The following CLEC7A variants were observed in gnomAD, a reference collection of about 807,000 sequenced individuals.
The protein encoded by CLEC7A is C-type lectin domain family 7 member A.
Under a neutral mutation model 26.9 loss-of-function variants are expected in CLEC7A, and 25 were observed. The observed-to-expected ratio is 0.93, with a 90% CI of 0.68 to 1.30. The LOEUF (loss-of-function observed/expected upper bound fraction) is 1.30, where lower values mean the gene tolerates loss of function less well. Ranked by LOEUF, CLEC7A falls within the 50% of genes most tolerant of loss-of-function variation. The pLI, the probability that CLEC7A is intolerant of heterozygous loss-of-function variation, is 0.00. For missense variants in CLEC7A, 275 were observed against 286.7 expected, an observed-to-expected ratio of 0.96 and a Z score of 0.29; for synonymous variants, 100 against 99.5, an observed-to-expected ratio of 1.01 and a Z score of -0.03.
chr12:10,127,291 T>C, intron 2 of CLEC7A: 1 of 1,484,924 alleles, frequency 6.7e-7, no homozygotes, highest in Non-Finnish European at 9.1e-7. Flanking sequence ...TCGGAAATAA[T>C]TTCCTTAAAT....
chr12:10,122,340 C>T (rs983986762), intron 5 of CLEC7A, among the ~76,000 whole-genome samples: 3 of 152,144 alleles, frequency 2.0e-5, no homozygotes, highest in Non-Finnish European at 2.9e-5. Context: ...AAATATCTTT[C>T]TAAAATGCAA....
At chr12:10,127,587 T>C in intron 2 of CLEC7A, 160 bp downstream of exon 2, 2 of 955,752 alleles carry the variant, frequency 2.1e-6, no homozygotes, top group Non-Finnish European at 3.3e-6. Flanking sequence ...ACACCCTTTA[T>C]AAGTGAAATG....
At chr12:10,120,453 A>G (rs1325737704) in intron 5 of CLEC7A, among the ~76,000 whole-genome samples, 12 of 152,246 alleles carry the variant, frequency 7.9e-5, no homozygotes, top group Admixed American at 7.2e-4. Context: ...TGGAAATATC[A>G]GTCTTAAGAA....
intron 1 of CLEC7A, among the ~76,000 whole-genome samples, chr12:10,128,237 CACACACA>C (rs1591963723): frequency 6.9e-6 from 1 of 144,426 alleles, no homozygotes; most frequent in East Asian, 1.9e-4. Flanking sequence ...CACACACACA[CACACACA>C]CACCACCAAC....
intron 4 of CLEC7A, 194 bp downstream of exon 4, chr12:10,125,103 G>C: frequency 1.5e-6 from 1 of 661,900 alleles, no homozygotes; most frequent in Non-Finnish European, 2.8e-6. Flanking sequence ...AGGAAGCTGA[G>C]GTGGGAGGAT....
At chr12:10,124,424 T>C (rs1255357570) in intron 4 of CLEC7A, among the ~76,000 whole-genome samples, 2 of 152,258 alleles carry the variant, frequency 1.3e-5, no homozygotes, top group African/African-American at 4.8e-5. Context: ...TGATGTGTTA[T>C]AAGTGCCACT....
intron 2 of CLEC7A, chr12:10,127,213 A>C (rs1948320144): frequency 1.7e-6 from 2 of 1,211,408 alleles, no homozygotes; most frequent in Non-Finnish European, 2.3e-6. Flanking sequence ...AATCCATTAC[A>C]AAATATCGAC....
At chr12:10,126,437 A>G (rs908718589) in intron 3 of CLEC7A, 134 bp downstream of exon 3, 4 of 1,435,816 alleles carry the variant, frequency 2.8e-6, no homozygotes, top group Non-Finnish European at 3.7e-6. Flanking sequence ...CACTAAGGTA[A>G]TACTAATATG....
rs970537623 is a variant in CLEC7A, at chr12:10,126,331, T to C, written c.340+240A>G. The C allele has an allele frequency of 5.1e-6, 5 of 982,936 alleles. No individual in the cohort carries two copies. The African/African-American group carries it at 7.0e-5, about 14-fold the overall frequency. 60.9% of individuals were successfully genotyped at this position (982,936 alleles called of 1,614,324 possible). The stretch of plus-strand genomic sequence containing the variant: ...TAGCCAGTGATAAATCAGTTACTGA[T>C]TTTAAAAATTAATAAAGTCCAATTT... On this transcript the variant is annotated intron_variant, in intron 3 of 5. Transcript: ENST00000304084.
intron 2 of CLEC7A, chr12:10,127,087 T>C: frequency 7.3e-7 from 1 of 1,371,884 alleles, no homozygotes; most frequent in Non-Finnish European, 9.6e-7. Flanking sequence ...AACTGCCCAG[T>C]ACCTATAACA....
intron 4 of CLEC7A, among the ~76,000 whole-genome samples, chr12:10,124,440 T>G (rs181829809): frequency 2.6e-5 from 4 of 152,224 alleles, no homozygotes. Flanking sequence ...CCACTTTTTC[T>G]GAAAACTTCT....
chr12:10,122,923 C>G (rs1378477126), intron 5 of CLEC7A, among the ~76,000 whole-genome samples: 1 of 152,166 alleles, frequency 6.6e-6, no homozygotes, highest in African/African-American at 2.4e-5. Flanking sequence ...AACCCATGCT[C>G]TTAACCGGGG....
chr12:10,126,502 T>C, intron 3 of CLEC7A, 69 bp downstream of exon 3: 1 of 1,516,980 alleles, frequency 6.6e-7, no homozygotes, highest in Non-Finnish European at 8.8e-7. Context: ...TTTACACCCC[T>C]GCCCCAGGCT....
chr12:10,127,396 G>A (rs1444298280), intron 2 of CLEC7A: 1 of 1,613,200 alleles, frequency 6.2e-7, no homozygotes, highest in African/African-American at 1.3e-5. Context: ...AGCTCCGCTT[G>A]TTTTCTTCAT....
chr12:10,128,851 T>G (rs897844693), intron 1 of CLEC7A, among the ~76,000 whole-genome samples: 1 of 152,186 alleles, frequency 6.6e-6, no homozygotes, highest in Non-Finnish European at 1.5e-5. Context: ...AGGAAAATAT[T>G]TGTGCAGTGT....
At chr12:10,122,484 CTTTTTTTTTT>C (rs143612827) in intron 5 of CLEC7A, among the ~76,000 whole-genome samples, 5 of 128,844 alleles carry the variant, frequency 3.9e-5, no homozygotes, top group South Asian at 5.1e-4. Context: ...TTCTTTTTTT[CTTTTTTTTTT>C]TTTTTTTTTT....
chr12:10,123,072 C>T (rs60212493), intron 5 of CLEC7A, among the ~76,000 whole-genome samples, 173 bp downstream of exon 5: 2,103 of 152,210 alleles, frequency 0.014, 49 homozygotes, highest in African/African-American at 0.047. Context: ...AGGTCCTCCT[C>T]ATCTTTCTCC....
rs770612544 is a variant in CLEC7A, at chr12:10,118,423, C to G, written c.*35G>C. On this transcript the variant is annotated 3_prime_UTR_variant, in exon 6 of 6. Coordinates refer to ENST00000304084, the MANE Select transcript of CLEC7A (RefSeq NM_197947.3). ...TTCTGTTTTCTGTCCTCCTTACTAC[C>G]TCACATATTTCTCTCTCCTTCTCCA... 2 of 1,578,830 alleles carry G rather than the reference C, an allele frequency of 1.3e-6. No individual in the cohort carries two copies. The highest frequency in any genetic ancestry group is 3.4e-5 in the Admixed American group (2 of 59,126).
chr12:10,127,242 GGAA>G, intron 2 of CLEC7A: 1 of 1,357,232 alleles, frequency 7.4e-7, no homozygotes. Flanking sequence ...AAGTGCCTCA[GGAA>G]ATTTCTGGTG....
Sources: gnomAD v4.1 joint callset for allele counts (sites outside exome capture counted in the v4.1 genomes callset) on GRCh38, gnomAD v4.1.1 for gene constraint, MANE v1.5 for transcripts, NCBI Gene and HGNC (gene_info 2026-07-23, HGNC 2026-07-21) for gene names.